The following DOCK7 variants were observed in gnomAD, a reference collection of about 807,000 sequenced individuals.
DOCK7 encodes dedicator of cytokinesis protein 7.
A neutral mutation model predicts 271.0 loss-of-function variants in DOCK7; 138 were observed. That is an observed-to-expected ratio of 0.51 (90% CI 0.44 to 0.59). The LOEUF (loss-of-function observed/expected upper bound fraction) is 0.59, where lower values mean the gene tolerates loss of function less well. Among genes scored for constraint, DOCK7 ranks in the 20% least tolerant of loss-of-function variants. The probability of loss-of-function intolerance (pLI) is 0.00; values close to 1 mark genes in which losing one functional copy is unlikely to be tolerated. For missense variants in DOCK7, 2,066 were observed against 2,592.4 expected (o/e 0.80, Z 4.41); for synonymous variants, 823 against 876.1 (o/e 0.94, Z 1.07).
Position 62,558,975 on chromosome 1 carries a change from C to A in DOCK7, c.2431+14G>T. 1 of 1,583,730 alleles carries A rather than the reference C, an allele frequency of 6.3e-7. No individual in the cohort carries two copies. Among genetic ancestry groups the A allele is most frequent in the Non-Finnish European group, 8.6e-7 (1 of 1,158,470 alleles). ...ATAAATTTCACGTCTCATCCCCAAA[C>A]AAAAGTAAATTACCTATTTGGCCAG... On this transcript the variant is annotated intron_variant, in intron 20 of 49. Coordinates refer to ENST00000635253, the MANE Select transcript of DOCK7 (RefSeq NM_001367561.1).
chr1:62,550,907 G>C (rs1047382314), intron 22 of DOCK7, among the ~76,000 whole-genome samples: 2 of 151,976 alleles, frequency 1.3e-5, no homozygotes, highest in African/African-American at 4.8e-5. Context: ...TTTTAGTAGA[G>C]GCGAGGTTTC....
intron 37 of DOCK7, among the ~76,000 whole-genome samples, chr1:62,497,678 A>G (rs1646661422): frequency 6.6e-6 from 1 of 152,050 alleles, no homozygotes; most frequent in Non-Finnish European, 1.5e-5. Context: ...TTCCTAATCA[A>G]TCTCCATGCC....
intron 31 of DOCK7, among the ~76,000 whole-genome samples, chr1:62,526,068 C>T (rs992859242): frequency 6.6e-6 from 1 of 152,182 alleles, no homozygotes; most frequent in African/African-American, 2.4e-5. Flanking sequence ...TCCCAGGTAG[C>T]TGGGACTACA....
At chr1:62,687,076 G>A (rs990949540) in intron 1 of DOCK7, among the ~76,000 whole-genome samples, 5 of 151,934 alleles carry the variant, frequency 3.3e-5, no homozygotes, top group Admixed American at 6.6e-5. Flanking sequence ...CACTGCATCC[G>A]GCCCAAAATT....
chr1:62,483,764 G>A (rs1409680345), intron 43 of DOCK7: 1 of 151,816 alleles, frequency 6.6e-6, no homozygotes, highest in Non-Finnish European at 1.5e-5. Context: ...CTTTTTGGTA[G>A]AGACATGGGT....
intron 4 of DOCK7, among the ~76,000 whole-genome samples, chr1:62,651,513 G>A (rs115443692): frequency 0.017 from 2,426 of 145,996 alleles, 71 homozygotes; most frequent in African/African-American, 0.058. Context: ...TGTAAGGGGG[G>A]AGCCCGAAAA....
intron 1 of DOCK7, among the ~76,000 whole-genome samples, chr1:62,679,937 A>C (rs1660926534): frequency 6.6e-6 from 1 of 152,218 alleles, no homozygotes; most frequent in Non-Finnish European, 1.5e-5. Context: ...AGGAAGAATC[A>C]ATATCGTGAA....
intron 14 of DOCK7, chr1:62,598,135 T>C: frequency 7.3e-7 from 1 of 1,365,006 alleles, no homozygotes; most frequent in Non-Finnish European, 9.8e-7. Flanking sequence ...TTCTAAGGCA[T>C]GCCATTTGAA....
intron 24 of DOCK7, among the ~76,000 whole-genome samples, chr1:62,543,052 G>A (rs1427388148): frequency 6.6e-6 from 1 of 151,984 alleles, no homozygotes; most frequent in African/African-American, 2.4e-5. Context: ...TTAAACATAC[G>A]CAAATACATG....
intron 46 of DOCK7, 118 bp from the exon 47 acceptor site, chr1:62,475,469 A>G: frequency 1.5e-6 from 2 of 1,309,380 alleles, no homozygotes; most frequent in Non-Finnish European, 2.1e-6. Context: ...TCATGTAACA[A>G]TAAAATTCCA....
chr1:62,671,499 T>A (rs1188651426), intron 1 of DOCK7, among the ~76,000 whole-genome samples: 2 of 152,056 alleles, frequency 1.3e-5, no homozygotes, highest in African/African-American at 4.8e-5. Flanking sequence ...GAAACAGATA[T>A]AAGAATTTAG....
chr1:62,563,797 A>T lies in DOCK7; in HGVS notation c.2113-2094T>A, dbSNP rs145693041. ...GACCCATCACTGTGCTGTATTCAGG[A>T]GACCCACCTCATGGCCAAAGGCACA... On this transcript the variant is annotated intron_variant, in intron 18 of 49. Coordinates refer to ENST00000635253, the MANE Select transcript of DOCK7 (RefSeq NM_001367561.1). 1.0e-2 allele frequency among the ~76,000 whole-genome samples: 1,363 copies of T among 136,910 alleles called. 8 individuals are homozygous for T. Among genetic ancestry groups the T allele is most frequent in the Non-Finnish European group, 0.013 (862 of 65,164 alleles). The allele number at this position is 136,910 out of a possible 152,430, so 89.8% of individuals were successfully genotyped here. A position where few individuals can be genotyped will look rare whatever the true frequency, so the allele number is the denominator to read the frequency against.
At chr1:62,498,300 T>C (rs1401507656) in intron 37 of DOCK7, among the ~76,000 whole-genome samples, 2 of 152,152 alleles carry the variant, frequency 1.3e-5, no homozygotes, top group Non-Finnish European at 2.9e-5. Context: ...CATCCCTTTC[T>C]AATTATGTAT....
At chr1:62,577,425 G>T in intron 17 of DOCK7, 62 bp from the exon 18 acceptor site, 1 of 1,301,840 alleles carries the variant, frequency 7.7e-7, no homozygotes, top group Admixed American at 2.1e-5. Context: ...TAATTACTTA[G>T]CATGTTTTAA....
chr1:62,568,130 A>G (rs1278794740), intron 18 of DOCK7, among the ~76,000 whole-genome samples: 1 of 152,128 alleles, frequency 6.6e-6, no homozygotes, highest in Non-Finnish European at 1.5e-5. Context: ...CGGAAATTGC[A>G]CAATTGCTCC....
chr1:62,508,265 A>G (rs1644372193), intron 34 of DOCK7, among the ~76,000 whole-genome samples: 1 of 152,192 alleles, frequency 6.6e-6, no homozygotes, highest in Non-Finnish European at 1.5e-5. Context: ...TTCTCACCCC[A>G]TTACAGAAGT....
intron 1 of DOCK7, among the ~76,000 whole-genome samples, chr1:62,683,965 C>T (rs938139819): frequency 1.3e-5 from 2 of 151,722 alleles, no homozygotes; most frequent in Non-Finnish European, 2.9e-5. Flanking sequence ...TCAGGCTGAG[C>T]GAGGTGGCTT....
chr1:62,586,928 CATT>C (rs1429922443), intron 14 of DOCK7, among the ~76,000 whole-genome samples: 2 of 152,050 alleles, frequency 1.3e-5, no homozygotes, highest in African/African-American at 4.8e-5. Flanking sequence ...CTTCAAAACT[CATT>C]ATCTTCACTC....
chr1:62,678,482 G>A (rs1481034675), intron 1 of DOCK7, among the ~76,000 whole-genome samples: 3 of 152,076 alleles, frequency 2.0e-5, no homozygotes, highest in African/African-American at 4.8e-5. Flanking sequence ...AAATTTCATT[G>A]TACAACATAA....
Sources: allele counts gnomAD v4.1 joint callset (sites outside exome capture counted in the v4.1 genomes callset), GRCh38; gene constraint gnomAD v4.1.1; transcripts MANE v1.5; gene names NCBI Gene and HGNC (gene_info 2026-07-23, HGNC 2026-07-21).